Variants in DCDC2 observed in about 807,000 individuals in gnomAD.
DCDC2 encodes doublecortin domain containing 2, also known as doublecortin domain-containing protein 2.
A neutral mutation model predicts 50.2 loss-of-function variants in DCDC2; 40 were observed. The observed-to-expected ratio is 0.80, with a 90% CI of 0.62 to 1.04. The LOEUF is 1.04. Ranked by LOEUF, DCDC2 falls within the 50% of genes least tolerant of loss-of-function variation. The probability of loss-of-function intolerance (pLI) is 0.00; values close to 1 mark genes in which losing one functional copy is unlikely to be tolerated. For synonymous variants in DCDC2, 234 were observed against 210.6 expected (o/e 1.11, Z -0.96); for missense variants, 570 against 581.9 (o/e 0.98, Z 0.21).
chr6:24,327,096 T>C (rs946027290), intron 2 of DCDC2, among the ~76,000 whole-genome samples: 1 of 149,168 alleles, frequency 6.7e-6, no homozygotes. Flanking sequence ...TCAGGGTAAC[T>C]GCACTGTCAA....
intron 7 of DCDC2, among the ~76,000 whole-genome samples, chr6:24,264,930 T>C (rs966959159): frequency 6.6e-5 from 10 of 151,694 alleles, no homozygotes; most frequent in Non-Finnish European, 1.5e-4. Context: ...TACAAAAAGA[T>C]ATTCCATGCA....
At position 24,174,784 on chromosome 6, in the gene DCDC2, A is replaced by C; in HGVS notation, c.1377T>G (p.Ser459Arg). Residue 459 changes from serine to arginine, a missense_variant, in exon 10 of 10, where the codon AGT becomes AGG. Physicochemically the swap from Ser to Arg is moderately radical, Grantham distance 110. Transcript: ENST00000378454. Reference protein sequence around the residue: ...RPPRPEVKITSPEENENNQQN... With the variant: ...RPPRPEVKITRPEENENNQQN... ...GTTGGTTGTTTTCATTTTCTTCTGG[A>C]CTGGTAATTTTTACTTCTGGCCTTG... is the stretch of plus-strand genomic sequence containing the variant. The C allele has an allele frequency of 6.2e-7, 1 of 1,613,644 alleles. No individual in the cohort carries two copies. Among genetic ancestry groups the C allele is most frequent in the Non-Finnish European group, 8.5e-7 (1 of 1,179,792 alleles).
upstream of DCDC2, chr6:24,358,065 G>A: frequency 2.1e-6 from 2 of 972,122 alleles, no homozygotes; most frequent in South Asian, 1.9e-5. Context: ...CTTCTGAGCA[G>A]GAGCCGGAAA....
chr6:24,368,164 A>G, the DCDC2 span, among the ~76,000 whole-genome samples: 33 of 152,292 alleles, frequency 2.2e-4, no homozygotes, highest in Middle Eastern at 6.8e-3. Flanking sequence ...TAAGTTATCC[A>G]GAAGACAGGA....
At chr6:24,180,048 C>T (rs1761032233) in intron 8 of DCDC2, among the ~76,000 whole-genome samples, 1 of 151,758 alleles carries the variant, frequency 6.6e-6, no homozygotes. Context: ...CAAGTCCTGA[C>T]CAGGCACTTA....
intron 9 of DCDC2, among the ~76,000 whole-genome samples, chr6:24,175,801 T>C (rs1760896032): frequency 6.6e-6 from 1 of 152,218 alleles, no homozygotes. Context: ...ATTTTATTAG[T>C]AGACAGTCCT....
Position 24,207,588 on chromosome 6 carries a change from G to A in DCDC2, c.923-2486C>T, listed in dbSNP as rs1057119628. 3.3e-5 allele frequency among the ~76,000 whole-genome samples: 5 copies of A among 152,264 alleles called. No homozygotes were observed. In the South Asian group the frequency reaches 1.0e-3, roughly 32 times the overall value. Reference sequence around the variant, plus strand: ...TGGAAAATATGAAAGCGCTGCTGGTGAGGGTTTTGTATCCCATGGAGACCA... The same window carrying A: ...TGGAAAATATGAAAGCGCTGCTGGTAAGGGTTTTGTATCCCATGGAGACCA... On this transcript the variant is annotated intron_variant, in intron 7 of 9. Coordinates refer to ENST00000378454, the MANE Select transcript of DCDC2 (RefSeq NM_016356.5).
At position 24,173,849 on chromosome 6, in the gene DCDC2, A is replaced by T. The variant is rs1760838452; in HGVS notation, c.*881T>A. 4 of 152,170 alleles carry T rather than the reference A, an allele frequency of 2.6e-5. No homozygotes were observed. The highest frequency in any genetic ancestry group is 2.6e-4 in the Admixed American group (4 of 15,276). 9.4% of individuals were successfully genotyped at this position (152,170 alleles called of 1,614,324 possible). A position where few individuals can be genotyped will look rare whatever the true frequency, so the allele number is the denominator to read the frequency against. The stretch of plus-strand genomic sequence containing the variant: ...ACTTTTTTCTTCCTAATACACTTTT[A>T]TTTTTGTTGAAAACTATTTGAAAAT... On this transcript the variant is annotated 3_prime_UTR_variant, in exon 10 of 10. Transcript: ENST00000378454.
chr6:24,246,082 T>C (rs193218660), intron 7 of DCDC2, among the ~76,000 whole-genome samples: 1,948 of 152,236 alleles, frequency 0.013, 24 homozygotes, highest in Non-Finnish European at 0.018. Context: ...AACCTCCACC[T>C]CCTGGGTTCA....
At chr6:24,342,121 T>C (rs1760168938) in intron 2 of DCDC2, among the ~76,000 whole-genome samples, 1 of 152,212 alleles carries the variant, frequency 6.6e-6, no homozygotes, top group Non-Finnish European at 1.5e-5. Context: ...TTACTTCCCT[T>C]ATTCCTTTAA....
intron 2 of DCDC2, among the ~76,000 whole-genome samples, chr6:24,316,511 C>T (rs1759669023): frequency 6.6e-6 from 1 of 152,088 alleles, no homozygotes; most frequent in African/African-American, 2.4e-5. Flanking sequence ...CTAAATACTG[C>T]CAAATTCAGA....
chr6:24,237,352 A>G (rs1762467592), intron 7 of DCDC2, among the ~76,000 whole-genome samples: 2 of 152,214 alleles, frequency 1.3e-5, no homozygotes, highest in African/African-American at 4.8e-5. Flanking sequence ...CTGCACATGT[A>G]CCCTTAAACC....
chr6:24,200,078 A>G (rs1033238027), intron 8 of DCDC2, among the ~76,000 whole-genome samples: 2 of 152,204 alleles, frequency 1.3e-5, no homozygotes, highest in Non-Finnish European at 2.9e-5. Flanking sequence ...CAAGTTAGAA[A>G]ACACTCTTCA....
chr6:24,217,674 T>C (rs1762011836), intron 7 of DCDC2, among the ~76,000 whole-genome samples: 1 of 152,182 alleles, frequency 6.6e-6, no homozygotes, highest in Non-Finnish European at 1.5e-5. Flanking sequence ...TGTTCTAGAA[T>C]TTTACAGATT....
At chr6:24,254,671 T>A (rs568728333) in intron 7 of DCDC2, among the ~76,000 whole-genome samples, 1 of 152,144 alleles carries the variant, frequency 6.6e-6, no homozygotes, top group Non-Finnish European at 1.5e-5. Flanking sequence ...CTCAACTTGA[T>A]AGGCTAAGTC....
At chr6:24,185,751 C>A (rs1761190777) in intron 8 of DCDC2, among the ~76,000 whole-genome samples, 1 of 148,382 alleles carries the variant, frequency 6.7e-6, no homozygotes, top group Admixed American at 6.8e-5. Context: ...AAAATCTATA[C>A]CATGGTGACA....
chr6:24,283,127 G>A (rs535766815), intron 6 of DCDC2, among the ~76,000 whole-genome samples: 11 of 152,234 alleles, frequency 7.2e-5, no homozygotes, highest in African/African-American at 2.2e-4. Context: ...CGTCTTTTCC[G>A]ATAGAGGGTG....
intron 7 of DCDC2, among the ~76,000 whole-genome samples, chr6:24,256,588 A>G (rs995118164): frequency 8.5e-5 from 13 of 152,202 alleles, no homozygotes; most frequent in Non-Finnish European, 1.9e-4. Flanking sequence ...CAAACAGAAT[A>G]CAGCACATGA....
Position 24,220,884 on chromosome 6 carries a change from G to GAGAGAGTGAGCGAGCGAGCA in DCDC2, c.923-15783_923-15782insTGCTCGCTCGCTCACTCTCT, listed in dbSNP as rs1762092806. Among the ~76,000 whole-genome samples the GAGAGAGTGAGCGAGCGAGCA allele has an allele frequency of 3.4e-5, 5 of 146,924 alleles. No homozygotes were observed. The South Asian group carries it at 1.1e-3, about 32-fold the overall frequency. On this transcript the variant is annotated intron_variant, in intron 7 of 9. Transcript: ENST00000378454. ...AGACAGAGAGCAAGAGAGCGAGAGC[G>GAGAGAGTGAGCGAGCGAGCA]AGAGAGTGAGCGAGCGAGCGAGAGA...
Sources: allele counts gnomAD v4.1 joint callset (sites outside exome capture counted in the v4.1 genomes callset), GRCh38; gene constraint gnomAD v4.1.1; transcripts MANE v1.5; gene names NCBI Gene and HGNC (gene_info 2026-07-23, HGNC 2026-07-21).